MARCHF4: variants seen among roughly 807,000 people sequenced by gnomAD.
MARCHF4 encodes membrane associated ring-CH-type finger 4.
In MARCHF4, 14 loss-of-function variants were observed where a neutral mutation model predicts 43.9. The observed-to-expected ratio is 0.32, with a 90% CI of 0.21 to 0.50. The LOEUF (loss-of-function observed/expected upper bound fraction) is 0.50, where lower values mean the gene tolerates loss of function less well. Among genes scored for constraint, MARCHF4 ranks in the 20% least tolerant of loss-of-function variants. The pLI is 0.98. For missense variants in MARCHF4, 468 were observed against 536.7 expected (o/e 0.87, Z 1.27); for synonymous variants, 226 against 213.3 (o/e 1.06, Z -0.52).
chr2:216,259,624 A>G lies in MARCHF4; in HGVS notation c.921T>C (p.Ala307=). ...SVYRIFKRWQ[A]VNQQWKVLNY... ...TCAGCACTTTCCACTGCTGGTTGAC[A>G]GCCTGCCACCGTTTAAAGATGCGGT... Residue 307 remains alanine, a synonymous_variant, in exon 4 of 4, where the codon GCT becomes GCC. Coordinates refer to ENST00000273067, the MANE Select transcript of MARCHF4 (RefSeq NM_020814.3). 6.2e-7 allele frequency: 1 copy of G among 1,614,188 alleles called. No homozygotes were observed. The highest frequency in any genetic ancestry group is 1.1e-5 in the South Asian group (1 of 91,084).
At chr2:216,314,925 C>CA (rs972832087) in intron 1 of MARCHF4, among the ~76,000 whole-genome samples, 26 of 151,836 alleles carry the variant, frequency 1.7e-4, no homozygotes, top group African/African-American at 6.1e-4. Context: ...AATGTGACTC[C>CA]AAAAAAAGCT....
At chr2:216,318,226 A>G (rs2105961152) in intron 1 of MARCHF4, 1 of 152,366 alleles carries the variant, frequency 6.6e-6, no homozygotes, top group South Asian at 2.1e-4. Context: ...GGAAGCAGGC[A>G]GTTCCTCACC....
chr2:216,302,769 G>A (rs1691510761), intron 1 of MARCHF4, among the ~76,000 whole-genome samples: 1 of 151,534 alleles, frequency 6.6e-6, no homozygotes, highest in Admixed American at 6.6e-5. Context: ...GTGGTGGTGG[G>A]TGCCTGTAAT....
intron 1 of MARCHF4, among the ~76,000 whole-genome samples, chr2:216,348,635 C>A (rs1051895977): frequency 6.6e-6 from 1 of 152,124 alleles, no homozygotes; most frequent in African/African-American, 2.4e-5. Context: ...AATGGGCAAC[C>A]AGCAGCCCTG....
rs559504696 is a variant in MARCHF4, at chr2:216,313,296, A to AT, written c.517-29568dup. On this transcript the variant is annotated intron_variant, in intron 1 of 3. Transcript: ENST00000273067. ...TGGTTCCTCTATGTGACTTCCATTG[A>AT]TTTTAGAGGCAAATGGCATCTAATT... 5.3e-4 allele frequency among the ~76,000 whole-genome samples: 80 copies of AT among 152,216 alleles called. No homozygotes were observed. The Middle Eastern group carries it at 0.01, about 19-fold the overall frequency.
chr2:216,273,349 C>T (rs756669247), intron 3 of MARCHF4, among the ~76,000 whole-genome samples: 2 of 152,312 alleles, frequency 1.3e-5, no homozygotes, highest in East Asian at 1.9e-4. Context: ...AGAGACTCAT[C>T]GCAGCAGATG....
intron 1 of MARCHF4, among the ~76,000 whole-genome samples, chr2:216,364,504 T>C (rs1054689833): frequency 6.6e-6 from 1 of 152,040 alleles, no homozygotes; most frequent in African/African-American, 2.4e-5. Context: ...GTCTGCGGGG[T>C]CAAGGAACCT....
intron 3 of MARCHF4, 47 bp from the exon 4 acceptor site, chr2:216,259,726 G>A (rs1204561458): frequency 4.4e-6 from 7 of 1,573,208 alleles, no homozygotes; most frequent in Non-Finnish European, 6.1e-6. Context: ...GAGAGGAAGT[G>A]GGTCACGGCC....
intron 1 of MARCHF4, among the ~76,000 whole-genome samples, chr2:216,341,672 C>T (rs561637748): frequency 3.9e-5 from 6 of 152,342 alleles, no homozygotes; most frequent in East Asian, 3.9e-4. Flanking sequence ...ACAGCAACAC[C>T]GGTGCCTCCC....
At chr2:216,326,818 G>T (rs1404902864) in intron 1 of MARCHF4, among the ~76,000 whole-genome samples, 18 of 141,600 alleles carry the variant, frequency 1.3e-4, no homozygotes, top group African/African-American at 4.1e-4. Context: ...TTGTGGGGTG[G>T]AGGGAGGGGG....
chr2:216,306,383 G>A (rs760714885), intron 1 of MARCHF4, among the ~76,000 whole-genome samples: 10 of 152,066 alleles, frequency 6.6e-5, no homozygotes, highest in East Asian at 1.9e-4. Flanking sequence ...TTTTGGATCC[G>A]TATCAAAATT....
intron 1 of MARCHF4, among the ~76,000 whole-genome samples, chr2:216,334,383 C>G (rs1026101513): frequency 6.6e-6 from 1 of 152,098 alleles, no homozygotes; most frequent in Non-Finnish European, 1.5e-5. Flanking sequence ...TTCCCTAGGG[C>G]CTCCAGAAAG....
intron 1 of MARCHF4, among the ~76,000 whole-genome samples, chr2:216,332,118 C>T (rs1049601600): frequency 6.6e-6 from 1 of 152,116 alleles, no homozygotes; most frequent in African/African-American, 2.4e-5. Flanking sequence ...GGGCCGGGCA[C>T]AGTGGCTCAT....
At chr2:216,315,828 T>A (rs1452154356) in intron 1 of MARCHF4, among the ~76,000 whole-genome samples, 1 of 152,122 alleles carries the variant, frequency 6.6e-6, no homozygotes, top group Non-Finnish European at 1.5e-5. Context: ...TAAGAAAAAA[T>A]TAAGCTGTTT....
chr2:216,318,802 C>T (rs1234184471), intron 1 of MARCHF4, among the ~76,000 whole-genome samples: 1 of 152,068 alleles, frequency 6.6e-6, no homozygotes, highest in African/African-American at 2.4e-5. Context: ...ATTTTCCTCA[C>T]CCCCAAACTT....
intron 1 of MARCHF4, among the ~76,000 whole-genome samples, chr2:216,303,890 G>A (rs1286421153): frequency 6.6e-6 from 1 of 152,196 alleles, no homozygotes; most frequent in African/African-American, 2.4e-5. Flanking sequence ...TAGGCCAAAG[G>A]CATAGAAGCA....
At chr2:216,341,193 T>C (rs1276594125) in intron 1 of MARCHF4, among the ~76,000 whole-genome samples, 3 of 152,250 alleles carry the variant, frequency 2.0e-5, no homozygotes, top group African/African-American at 7.2e-5. Flanking sequence ...TGCTCCCTGC[T>C]GGTCCTTCCA....
chr2:216,289,052 C>CAT lies in MARCHF4; in HGVS notation c.517-5325_517-5324dup, dbSNP rs56047113. 4.7e-3 allele frequency among the ~76,000 whole-genome samples: 681 copies of CAT among 145,536 alleles called. 5 individuals are homozygous for CAT. The highest frequency in any genetic ancestry group is 0.016 in the African/African-American group (642 of 40,062). On this transcript the variant is annotated intron_variant, in intron 1 of 3. Transcript: ENST00000273067. ...ATATAAAAATTTATATATATATAAACATATATATATATATATTTATTTTTA... is the reference window on the plus strand; with the variant it reads ...ATATAAAAATTTATATATATATAAACATATATATATATATATATTTATTTTTA...
chr2:216,360,067 C>A (rs1692553260), intron 1 of MARCHF4, among the ~76,000 whole-genome samples: 1 of 152,070 alleles, frequency 6.6e-6, no homozygotes, highest in Non-Finnish European at 1.5e-5. Context: ...CTTTGGAATT[C>A]TCAAAGTCAG....
Sources: gnomAD v4.1 joint callset for allele counts (sites outside exome capture counted in the v4.1 genomes callset) on GRCh38, gnomAD v4.1.1 for gene constraint, MANE v1.5 for transcripts, NCBI Gene and HGNC (gene_info 2026-07-23, HGNC 2026-07-21) for gene names.